RAP1GDS1: variants seen among roughly 807,000 people sequenced by gnomAD.
RAP1GDS1 encodes Rap1 GTPase-GDP dissociation stimulator 1.
A neutral mutation model predicts 71.1 loss-of-function variants in RAP1GDS1; 35 were observed. The observed-to-expected ratio is 0.49, with a 90% CI of 0.38 to 0.65. The LOEUF (loss-of-function observed/expected upper bound fraction) is 0.65, where lower values mean the gene tolerates loss of function less well. Ranked by LOEUF, RAP1GDS1 falls within the 30% of genes least tolerant of loss-of-function variation. The pLI, the probability that RAP1GDS1 is intolerant of heterozygous loss-of-function variation, is 0.00. For synonymous variants in RAP1GDS1, 229 were observed against 243.1 expected (o/e 0.94, Z 0.54); for missense variants, 663 against 706.1 (o/e 0.94, Z 0.69).
At chr4:98,300,584 A>G (rs971922088) in intron 2 of RAP1GDS1, among the ~76,000 whole-genome samples, 1 of 152,018 alleles carries the variant, frequency 6.6e-6, no homozygotes, top group Non-Finnish European at 1.5e-5. Context: ...TATTTTTAGT[A>G]GAGATGGTGT....
intron 2 of RAP1GDS1, among the ~76,000 whole-genome samples, chr4:98,318,996 A>T (rs1233071243): frequency 6.6e-6 from 1 of 152,202 alleles, no homozygotes; most frequent in Non-Finnish European, 1.5e-5. Flanking sequence ...TGGGGGGGGA[A>T]ATGAGGTTCT....
chr4:98,346,867 C>A (rs1170325240), intron 3 of RAP1GDS1, among the ~76,000 whole-genome samples: 1 of 152,076 alleles, frequency 6.6e-6, no homozygotes, highest in Non-Finnish European at 1.5e-5. Flanking sequence ...AAAACAAGGG[C>A]AGTACAAAGA....
Position 98,266,673 on chromosome 4 carries a change from T to A in RAP1GDS1, c.4+5104T>A, listed in dbSNP as rs1722751838. ...GCTTGGTAAATTTAAAAATTTTTCT[T>A]ATGTTGGCATTATATCTGTTTTGTA... On this transcript the variant is annotated intron_variant, in intron 1 of 14. Transcript: ENST00000408927. Among the ~76,000 whole-genome samples the A allele has an allele frequency of 1.3e-5, 2 of 152,208 alleles. 1 individual carries two copies. Among genetic ancestry groups the A allele is most frequent in the Admixed American group, 1.3e-4 (2 of 15,280 alleles).
rs537570921 is a variant in RAP1GDS1 at position 98,261,449 on chromosome 4, C to T, written c.-117C>T. ...GCTGCTCCTCCCCGGCGGCCGCCCC[C>T]CGCGGGTCCCTCCCTGGCTGCGGGA... On this transcript the variant is annotated 5_prime_UTR_variant, in exon 1 of 15. Transcript: ENST00000408927. 3.9e-5 allele frequency: 44 copies of T among 1,127,602 alleles called. No homozygotes were observed. Among genetic ancestry groups the T allele is most frequent in the Non-Finnish European group, 5.1e-5 (43 of 843,050 alleles). 69.8% of individuals were successfully genotyped at this position (1,127,602 alleles called of 1,614,324 possible).
At chr4:98,327,773 T>C (rs572949440) in intron 2 of RAP1GDS1, among the ~76,000 whole-genome samples, 26 of 152,292 alleles carry the variant, frequency 1.7e-4, no homozygotes, top group African/African-American at 6.3e-4. Flanking sequence ...AAAATTTTTC[T>C]AGCCACATTT....
At chr4:98,441,683 C>T in intron 14 of RAP1GDS1, 3 of 905,916 alleles carry the variant, frequency 3.3e-6, no homozygotes, top group Non-Finnish European at 4.0e-6. Context: ...GGATGAATCC[C>T]TTGAGGCTAG....
At chr4:98,358,320 G>A (rs1290703313) in intron 4 of RAP1GDS1, among the ~76,000 whole-genome samples, 1 of 151,950 alleles carries the variant, frequency 6.6e-6, no homozygotes, top group East Asian at 1.9e-4. Context: ...CCATGTGATT[G>A]TTTCTTGTAC....
At chr4:98,388,731 T>A (rs9997665) in intron 5 of RAP1GDS1, among the ~76,000 whole-genome samples, 21,992 of 150,132 alleles carry the variant, frequency 0.15, 2,306 homozygotes, top group African/African-American at 0.3. Flanking sequence ...GTCTCAAAAA[T>A]TTTTTTTTTT....
chr4:98,323,907 T>C (rs1732448683), intron 2 of RAP1GDS1, among the ~76,000 whole-genome samples: 1 of 137,476 alleles, frequency 7.3e-6, no homozygotes, highest in South Asian at 2.5e-4. Flanking sequence ...AACATAGTGT[T>C]GGAAGTTCTG....
In RAP1GDS1 at chr4:98,346,006, A is replaced by G. The variant is rs148037510; in HGVS notation, c.235+2745A>G. 6.7e-3 allele frequency among the ~76,000 whole-genome samples: 1,018 copies of G among 152,270 alleles called. 23 individuals carry two copies. Among genetic ancestry groups the G allele is most frequent in the Middle Eastern group, 0.054 (16 of 294 alleles). ...TCCCTGCCTTTGACCTGTAGCAGCA[A>G]CAGACTCACCCGGGAACTTGTTACA... On this transcript the variant is annotated intron_variant, in intron 3 of 14. Transcript: ENST00000408927.
intron 1 of RAP1GDS1, among the ~76,000 whole-genome samples, chr4:98,291,518 G>A (rs1017164178): frequency 6.6e-6 from 1 of 152,068 alleles, no homozygotes; most frequent in Admixed American, 6.6e-5. Context: ...TGGTTTGAAG[G>A]AGTACAAAAA....
chr4:98,270,175 CTATT>C (rs1723254840), intron 1 of RAP1GDS1, among the ~76,000 whole-genome samples: 1 of 152,136 alleles, frequency 6.6e-6, no homozygotes, highest in Non-Finnish European at 1.5e-5. Context: ...TGCCATTAAT[CTATT>C]TATGAGGGCA....
At chr4:98,403,907 T>A (rs1045098057) in intron 6 of RAP1GDS1, among the ~76,000 whole-genome samples, 4 of 152,162 alleles carry the variant, frequency 2.6e-5, no homozygotes, top group African/African-American at 7.2e-5. Context: ...AAAATGAGCT[T>A]GAATGGTAGT....
intron 4 of RAP1GDS1, among the ~76,000 whole-genome samples, chr4:98,364,190 C>T (rs1005080152): frequency 6.6e-6 from 1 of 152,072 alleles, no homozygotes; most frequent in African/African-American, 2.4e-5. Context: ...TAATCTCCTG[C>T]ATTTAGCAAA....
At chr4:98,282,558 C>T (rs981594535) in intron 1 of RAP1GDS1, among the ~76,000 whole-genome samples, 5 of 149,898 alleles carry the variant, frequency 3.3e-5, no homozygotes, top group African/African-American at 1.2e-4. Context: ...TTCAAAAAAC[C>T]AGCTCCTGGA....
intron 4 of RAP1GDS1, among the ~76,000 whole-genome samples, chr4:98,362,545 C>G (rs1356979431): frequency 6.6e-6 from 1 of 151,370 alleles, no homozygotes; most frequent in African/African-American, 2.4e-5. Context: ...TAAAATAGAA[C>G]TTGGCAAAAT....
At chr4:98,378,947 G>T in intron 4 of RAP1GDS1, 70 bp from the exon 5 acceptor site, 1 of 1,346,686 alleles carries the variant, frequency 7.4e-7, no homozygotes. Context: ...ACACTGTTAT[G>T]TTTTGTATTT....
chr4:98,389,786 G>GTGAT (rs1248285927), intron 5 of RAP1GDS1, among the ~76,000 whole-genome samples: 1 of 152,148 alleles, frequency 6.6e-6, no homozygotes, highest in Non-Finnish European at 1.5e-5. Flanking sequence ...GTCCAGAAAA[G>GTGAT]TGATAGATAT....
chr4:98,384,344 A>G (rs1742425860), intron 5 of RAP1GDS1, among the ~76,000 whole-genome samples: 1 of 151,560 alleles, frequency 6.6e-6, no homozygotes, highest in Admixed American at 6.6e-5. Context: ...TCTTTATTAT[A>G]CTAACTGTTG....
Sources: gnomAD v4.1 joint callset for allele counts (sites outside exome capture counted in the v4.1 genomes callset) on GRCh38, gnomAD v4.1.1 for gene constraint, MANE v1.5 for transcripts, NCBI Gene and HGNC (gene_info 2026-07-23, HGNC 2026-07-21) for gene names.